DOP1B: variants seen among roughly 807,000 people sequenced by gnomAD.
DOP1B encodes DOP1 leucine zipper like protein B.
A neutral mutation model predicts 233.5 loss-of-function variants in DOP1B; 174 were observed. The ratio of observed to expected loss-of-function variants is 0.75; its 90% confidence interval spans 0.66 to 0.85. The LOEUF (loss-of-function observed/expected upper bound fraction) is 0.85. Ranked by LOEUF, DOP1B falls within the 40% of genes least tolerant of loss-of-function variation. The pLI is 0.00. For synonymous variants in DOP1B, 1,190 were observed against 1,185.6 expected (o/e 1.00, Z -0.08); for missense variants, 2,652 against 2,846.6 (o/e 0.93, Z 1.56).
intron 27 of DOP1B, among the ~76,000 whole-genome samples, chr21:36,275,292 AATT>A (rs1244962404): frequency 6.6e-6 from 1 of 152,180 alleles, no homozygotes; most frequent in Non-Finnish European, 1.5e-5. Context: ...TCATAAATGG[AATT>A]ATTGTTATTT....
rs1036389456 is a variant in DOP1B at position 36,292,089 on chromosome 21, G to A, written c.6516-15G>A. The A allele has an allele frequency of 1.3e-6, 2 of 1,584,668 alleles. No individual in the cohort carries two copies. The highest frequency in any genetic ancestry group is 1.2e-5 in the South Asian group (1 of 85,260). ...CTCTTACCAGCAGACCTGACCTTCT[G>A]TTTGTTCCCTGCAGTTATAGGTGGG... is the stretch of plus-strand genomic sequence containing the variant. On this transcript the variant is annotated splice_polypyrimidine_tract_variant and intron_variant, in intron 35 of 36. Coordinates refer to ENST00000691173, the MANE Select transcript of DOP1B (RefSeq NM_001320714.2).
In DOP1B at chr21:36,288,117, G is replaced by T; in HGVS notation, c.6264G>T (p.Leu2088Phe). 6.2e-7 allele frequency: 1 copy of T among 1,613,816 alleles called. No homozygotes were observed. The change falls in exon 33 of 37, where the codon TTG (leucine) becomes TTT (phenylalanine). Residue 2088 changes from leucine (L) to phenylalanine (F), a missense_variant. By Grantham distance (22) the Leu-to-Phe change is conservative. Transcript: ENST00000691173. ...VLLLRISPQH[L>F]TSLWPIMVSE... ...TGCTAAGAATATCTCCTCAACATTT[G>T]ACTTCATTGTGGCCAATAATGGTCT...
At chr21:36,279,376 C>T (rs2067389644) in intron 30 of DOP1B, among the ~76,000 whole-genome samples, 1 of 152,176 alleles carries the variant, frequency 6.6e-6, no homozygotes, top group South Asian at 2.1e-4. Flanking sequence ...TGTGATTGTG[C>T]CACTGCACTC....
chr21:36,164,720 T>C lies in DOP1B; in HGVS notation c.-14T>C. On this transcript the variant is annotated 5_prime_UTR_variant, in exon 2 of 37. Coordinates refer to ENST00000691173, the MANE Select transcript of DOP1B (RefSeq NM_001320714.2). ...GATTTGCTTTTAGATACTTTTCTGC[T>C]GTGAGAATGTAAGATGGATCCAGAA... is the stretch of plus-strand genomic sequence containing the variant. The C allele has an allele frequency of 6.4e-7, 1 of 1,554,924 alleles. No individual in the cohort carries two copies. Among genetic ancestry groups the C allele is most frequent in the Non-Finnish European group, 8.7e-7 (1 of 1,154,008 alleles).
intron 23 of DOP1B, among the ~76,000 whole-genome samples, chr21:36,255,465 A>G (rs2067084402): frequency 6.8e-6 from 1 of 146,906 alleles, no homozygotes; most frequent in South Asian, 2.2e-4. Context: ...TTTTTTTTTT[A>G]AGACAGGATC....
chr21:36,198,541 C>A (rs529648592), intron 2 of DOP1B, among the ~76,000 whole-genome samples: 1 of 152,342 alleles, frequency 6.6e-6, no homozygotes, highest in African/African-American at 2.4e-5. Context: ...TTCACACTCT[C>A]GACCTTGCTT....
intron 4 of DOP1B, among the ~76,000 whole-genome samples, chr21:36,203,186 A>G (rs1243117819): frequency 6.6e-6 from 1 of 152,190 alleles, no homozygotes; most frequent in Non-Finnish European, 1.5e-5. Flanking sequence ...GAGCCAAGTA[A>G]AGCTTCATGA....
chr21:36,285,662 A>G (rs1035226216), intron 32 of DOP1B, among the ~76,000 whole-genome samples: 2 of 151,756 alleles, frequency 1.3e-5, no homozygotes, highest in Non-Finnish European at 2.9e-5. Flanking sequence ...TCAGAGAGGT[A>G]GATGCATCCA....
In DOP1B at chr21:36,208,807, T is replaced by C. The variant is rs758170362; in HGVS notation, c.584T>C (p.Ile195Thr). ...GGGAGCGTCCTGGCCAGCCCGTCCA[T>C]CCGCCTCCCTGCCTCAGTCTTCGTG... ...LWGSVLASPSIRLPASVFVVG... is the reference protein window; with the variant it reads ...LWGSVLASPSTRLPASVFVVG... The change falls in exon 5 of 37, where the codon ATC becomes ACC. Residue 195 changes from isoleucine to threonine, a missense_variant. By Grantham distance (89) the Ile-to-Thr change is moderately conservative. This residue lies in a region of DOP1B where 2,617 missense variants were observed against 2,794.3 expected (regional missense o/e 0.94). Coordinates refer to ENST00000691173, the MANE Select transcript of DOP1B (RefSeq NM_001320714.2). 1.3e-5 allele frequency: 21 copies of C among 1,607,320 alleles called. No homozygotes were observed. In the East Asian group the frequency reaches 4.7e-4, roughly 36 times the overall value.
Position 36,278,311 on chromosome 21 carries a change from G to C in DOP1B, c.5925G>C (p.Leu1975=), listed in dbSNP as rs1319269006. The C allele has an allele frequency of 6.2e-7, 1 of 1,613,976 alleles. No individual in the cohort carries two copies. Among genetic ancestry groups the C allele is most frequent in the Non-Finnish European group, 8.5e-7 (1 of 1,180,018 alleles). ...CCTGGAGGAAGGAGGTCCTGGAGCT[G>C]TTTCTCGACCCCGCTTTCTTTCAGA... ...KRAWRKEVLE[L]FLDPAFFQMD... The change falls in exon 30 of 37, where the codon CTG becomes CTC. Residue 1975 remains leucine (L), a synonymous_variant. Coordinates refer to ENST00000691173, the MANE Select transcript of DOP1B (RefSeq NM_001320714.2).
chr21:36,201,684 A>G (rs1276036997), intron 4 of DOP1B, among the ~76,000 whole-genome samples: 2 of 152,054 alleles, frequency 1.3e-5, no homozygotes, highest in Non-Finnish European at 2.9e-5. Context: ...TTTCCATTAA[A>G]CTAGGCTGCT....
At chr21:36,277,346 G>C (rs190735358) in intron 28 of DOP1B, among the ~76,000 whole-genome samples, 1 of 152,062 alleles carries the variant, frequency 6.6e-6, no homozygotes, top group East Asian at 1.9e-4. Flanking sequence ...GCAGTGGCGC[G>C]ATCTCAGCTC....
chr21:36,179,276 G>A (rs1047796561), intron 2 of DOP1B, among the ~76,000 whole-genome samples: 1 of 152,180 alleles, frequency 6.6e-6, no homozygotes, highest in African/African-American at 2.4e-5. Flanking sequence ...CTGCCAAACT[G>A]TTTGCCAAAG....
chr21:36,245,908 C>T lies in DOP1B; in HGVS notation c.3928C>T (p.Leu1310=), dbSNP rs780336294. The change falls in exon 19 of 37, where the codon CTG becomes TTG. Residue 1310 remains leucine, a synonymous_variant. Coordinates refer to ENST00000691173, the MANE Select transcript of DOP1B (RefSeq NM_001320714.2). The surrounding 1 kb of genome is among the most constrained non-coding windows in gnomAD (Gnocchi z 5.5). ...TQVPNVCPHS[L]LLELLTYLCL... ...GGTCCCCAACGTGTGCCCCCACTCT[C>T]TGCTCCTGGAGCTGCTCACCTACCT... is the stretch of plus-strand genomic sequence containing the variant. 1 of 1,613,918 alleles carries T rather than the reference C, an allele frequency of 6.2e-7. No homozygotes were observed. The highest frequency in any genetic ancestry group is 1.7e-5 in the Admixed American group (1 of 60,010).
At chr21:36,241,699 T>C (rs959959756) in intron 18 of DOP1B, among the ~76,000 whole-genome samples, 15 of 143,050 alleles carry the variant, frequency 1.0e-4, no homozygotes, top group South Asian at 2.3e-4. Flanking sequence ...CTTTCTTTTT[T>C]TTTTTTTTTT....
At chr21:36,239,253 C>T (rs1010742777) in intron 17 of DOP1B, among the ~76,000 whole-genome samples, 2 of 152,106 alleles carry the variant, frequency 1.3e-5, no homozygotes, top group African/African-American at 4.8e-5. Flanking sequence ...CTGGCATGCC[C>T]CGGGATCACC....
In DOP1B at chr21:36,246,231, C is replaced by T; in HGVS notation, c.4251C>T (p.Ser1417=). ...ACGGCAGGGCCCTGCCAGAGGACAG[C>T]CTCTTTGAGGAGAGTCTCATTAACT... ...AHHGRALPED[S]LFEESLINLG... is the part of the protein sequence containing the mutation. The change falls in exon 19 of 37, where the codon AGC becomes AGT. Residue 1417 remains serine, a synonymous_variant. Coordinates refer to ENST00000691173, the MANE Select transcript of DOP1B (RefSeq NM_001320714.2). The surrounding 1 kb of genome is among the most constrained non-coding windows in gnomAD (Gnocchi z 5.1). The T allele has an allele frequency of 6.2e-7, 1 of 1,613,894 alleles. No homozygotes were observed. The highest frequency in any genetic ancestry group is 8.5e-7 in the Non-Finnish European group (1 of 1,180,040).
intron 1 of DOP1B, among the ~76,000 whole-genome samples, chr21:36,160,784 T>G (rs2065862277): frequency 6.6e-6 from 1 of 152,176 alleles, no homozygotes; most frequent in Non-Finnish European, 1.5e-5. Context: ...GGCCTTATTT[T>G]AAGCTTTATG....
intron 2 of DOP1B, among the ~76,000 whole-genome samples, chr21:36,186,846 T>C (rs973041210): frequency 6.6e-6 from 1 of 152,108 alleles, no homozygotes; most frequent in Non-Finnish European, 1.5e-5. Flanking sequence ...GCCTCAGAGC[T>C]ATCAGGTGAC....
Sources: allele counts gnomAD v4.1 joint callset (sites outside exome capture counted in the v4.1 genomes callset), GRCh38; gene constraint gnomAD v4.1.1; regional missense constraint gnomAD v4.1.1; non-coding constraint Gnocchi (gnomAD v3.1); transcripts MANE v1.5; gene names NCBI Gene and HGNC (gene_info 2026-07-23, HGNC 2026-07-21).